The following MMP16 variants were observed in gnomAD, a reference collection of about 807,000 sequenced individuals.
The protein encoded by MMP16 is matrix metalloproteinase-16.
A neutral mutation model predicts 67.8 loss-of-function variants in MMP16; 12 were observed. The ratio of observed to expected loss-of-function variants is 0.18; its 90% CI spans 0.11 to 0.29. The LOEUF (loss-of-function observed/expected upper bound fraction) is 0.29, where lower values mean the gene tolerates loss of function less well. MMP16 is among the 10% of genes least tolerant of loss of function. The pLI, the probability that MMP16 is intolerant of heterozygous loss-of-function variation, is 1.00. For synonymous variants in MMP16, 249 were observed against 255.9 expected (o/e 0.97, Z 0.26); for missense variants, 475 against 765.7 (o/e 0.62, Z 4.48).
At chr8:88,180,079 C>T (rs1326979383) in intron 3 of MMP16, among the ~76,000 whole-genome samples, 5 of 151,988 alleles carry the variant, frequency 3.3e-5, no homozygotes, top group African/African-American at 7.2e-5. Flanking sequence ...GTTGGGAGTT[C>T]GAGACCAGCC....
At chr8:88,211,123 A>T (rs370192445) in intron 1 of MMP16, among the ~76,000 whole-genome samples, 3 of 152,044 alleles carry the variant, frequency 2.0e-5, no homozygotes, top group African/African-American at 4.8e-5. Context: ...GTGGGTGACA[A>T]ACCTAGCCTT....
chr8:88,117,390 T>G (rs1809453918), intron 5 of MMP16, among the ~76,000 whole-genome samples: 1 of 152,158 alleles, frequency 6.6e-6, no homozygotes, highest in Non-Finnish European at 1.5e-5. Context: ...ACATGTAATT[T>G]GGTACAGATG....
In MMP16 at chr8:88,041,200, G is replaced by A. The variant is rs890275651; in HGVS notation, c.*261C>T. The A allele has an allele frequency of 2.8e-5, 10 of 363,558 alleles. No individual in the cohort carries two copies. The highest frequency in any genetic ancestry group is 1.2e-4 in the African/African-American group (6 of 48,490). 22.5% of individuals were successfully genotyped at this position (363,558 alleles called of 1,614,324 possible). A position where few individuals can be genotyped will look rare whatever the true frequency, so the allele number is the denominator to read the frequency against. On this transcript the variant is annotated 3_prime_UTR_variant, in exon 10 of 10. Coordinates refer to ENST00000286614, the MANE Select transcript of MMP16 (RefSeq NM_005941.5). The surrounding 1 kb of genome is among the most constrained non-coding windows in gnomAD (Gnocchi z 6.0). ...CCTGAAATTTTACTGGGCATTGAGC[G>A]TGCAGAGGAAAGGCCTAGAACTGAA... is the stretch of plus-strand genomic sequence containing the variant.
chr8:88,144,731 T>G (rs1422567595), intron 4 of MMP16, among the ~76,000 whole-genome samples: 1 of 152,002 alleles, frequency 6.6e-6, no homozygotes, highest in East Asian at 1.9e-4. Context: ...TGAAATTGAA[T>G]AACTCAGTGT....
At chr8:88,057,747 C>T (rs183295280) in intron 7 of MMP16, among the ~76,000 whole-genome samples, 2 of 152,192 alleles carry the variant, frequency 1.3e-5, no homozygotes, top group East Asian at 3.9e-4. Context: ...CTCATTTACT[C>T]CAAGAGCTTC....
intron 2 of MMP16, among the ~76,000 whole-genome samples, chr8:88,194,691 C>A (rs1265520489): frequency 6.6e-6 from 1 of 151,706 alleles, no homozygotes; most frequent in Non-Finnish European, 1.5e-5. Context: ...GCATGGCAGG[C>A]TAGGAAGGGA....
intron 2 of MMP16, among the ~76,000 whole-genome samples, chr8:88,195,613 CA>C (rs751230870): frequency 2.0e-5 from 3 of 152,102 alleles, no homozygotes; most frequent in Non-Finnish European, 2.9e-5. Context: ...TTATTTAAGG[CA>C]AGGGGCATAT....
intron 1 of MMP16, among the ~76,000 whole-genome samples, chr8:88,242,361 A>G (rs986318388): frequency 4.6e-5 from 7 of 152,216 alleles, no homozygotes; most frequent in Admixed American, 4.6e-4. Context: ...TTTCTATATC[A>G]GTTGTCATAG....
chr8:88,069,573 C>A (rs1166910659), intron 7 of MMP16: 1 of 457,336 alleles, frequency 2.2e-6, no homozygotes. Context: ...AAAGTATCTC[C>A]TTTCAGTGAA....
rs1809789479 is a variant in MMP16 at position 88,227,497 on chromosome 8, C to T, written c.133-30191G>A. The stretch of plus-strand genomic sequence containing the variant: ...AAATAACCCTGTCATCAACACCTAA[C>T]AAAGATCTATCTGTCTTGGTTGGGT... On this transcript the variant is annotated intron_variant, in intron 1 of 9. Transcript: ENST00000286614. 1.3e-5 allele frequency among the ~76,000 whole-genome samples: 2 copies of T among 152,056 alleles called. 1 individual carries two copies. The highest frequency in any genetic ancestry group is 4.1e-4 in the South Asian group (2 of 4,836).
At chr8:88,093,413 T>C (rs1808972872) in intron 6 of MMP16, among the ~76,000 whole-genome samples, 1 of 151,822 alleles carries the variant, frequency 6.6e-6, no homozygotes, top group South Asian at 2.1e-4. Context: ...TCTTTTGTGA[T>C]TTTTGTTTGT....
At chr8:88,071,677 G>A (rs1342774291) in intron 7 of MMP16, among the ~76,000 whole-genome samples, 1 of 152,088 alleles carries the variant, frequency 6.6e-6, no homozygotes, top group African/African-American at 2.4e-5. Flanking sequence ...GTACAGGTTG[G>A]GGCTTGAATC....
At chr8:88,066,345 G>T (rs1360327915) in intron 7 of MMP16, among the ~76,000 whole-genome samples, 1 of 152,012 alleles carries the variant, frequency 6.6e-6, no homozygotes, top group Non-Finnish European at 1.5e-5. Flanking sequence ...CTGAGTGATG[G>T]AAAGATAGCT....
At chr8:88,280,418 C>T (rs1360169977) in intron 1 of MMP16, among the ~76,000 whole-genome samples, 2 of 151,732 alleles carry the variant, frequency 1.3e-5, no homozygotes, top group Non-Finnish European at 2.9e-5. Context: ...CTACTATGAT[C>T]GAGAAAAAAA....
intron 1 of MMP16, among the ~76,000 whole-genome samples, chr8:88,232,167 T>G (rs570347850): frequency 6.6e-6 from 1 of 152,164 alleles, no homozygotes; most frequent in East Asian, 1.9e-4. Flanking sequence ...AATTTAAACC[T>G]TGATAGATAT....
At position 88,044,486 on chromosome 8, in the gene MMP16, A is replaced by G. The variant is rs570515445; in HGVS notation, c.1489+2183T>C. On this transcript the variant is annotated intron_variant, in intron 9 of 9. Transcript: ENST00000286614. The stretch of plus-strand genomic sequence containing the variant: ...TTTATGAAAGGTCAGTTGGTTGAAT[A>G]AATATTTAGGTATTTGTATTTTTTT... Among the ~76,000 whole-genome samples, 6 of 152,360 alleles carry G rather than the reference A, an allele frequency of 3.9e-5. No individual in the cohort carries two copies. In the South Asian group the frequency reaches 1.0e-3, roughly 26 times the overall value.
At chr8:88,210,946 A>C (rs1275558888) in intron 1 of MMP16, among the ~76,000 whole-genome samples, 1 of 152,292 alleles carries the variant, frequency 6.6e-6, no homozygotes, top group East Asian at 1.9e-4. Flanking sequence ...CAACAAGCCT[A>C]TGAGATTGGT....
chr8:88,161,339 G>T (rs1442170582), intron 4 of MMP16, among the ~76,000 whole-genome samples: 2 of 152,174 alleles, frequency 1.3e-5, no homozygotes, highest in African/African-American at 4.8e-5. Flanking sequence ...TTGCGTAGAG[G>T]TGTTTATAGT....
At chr8:88,170,605 C>A (rs185000359) in intron 3 of MMP16, among the ~76,000 whole-genome samples, 70 of 152,188 alleles carry the variant, frequency 4.6e-4, no homozygotes, top group African/African-American at 1.7e-3. Context: ...CAAGACTCTG[C>A]TCCCACAGTG....
Sources: allele counts gnomAD v4.1 joint callset (sites outside exome capture counted in the v4.1 genomes callset), GRCh38; gene constraint gnomAD v4.1.1; non-coding constraint Gnocchi (gnomAD v3.1); transcripts MANE v1.5; gene names NCBI Gene and HGNC (gene_info 2026-07-23, HGNC 2026-07-21).